RGS7: variants seen among roughly 807,000 people sequenced by gnomAD.
The protein encoded by RGS7 is regulator of G protein signaling 7.
Under a neutral mutation model 81.1 loss-of-function variants are expected in RGS7, and 27 were observed. The ratio of observed to expected loss-of-function variants is 0.33; its 90% CI spans 0.25 to 0.46. RGS7 has a LOEUF of 0.46. Among genes scored for constraint, RGS7 ranks in the 20% least tolerant of loss-of-function variants. The pLI is 1.00. For synonymous variants in RGS7, 208 were observed against 207.7 expected, an observed-to-expected ratio of 1.00 and a Z score of -0.01; for missense variants, 396 against 607.4, an observed-to-expected ratio of 0.65 and a Z score of 3.66.
intron 4 of RGS7, among the ~76,000 whole-genome samples, chr1:240,958,694 G>C (rs1325881106): frequency 6.6e-6 from 1 of 152,152 alleles, no homozygotes; most frequent in Non-Finnish European, 1.5e-5. Flanking sequence ...ACTTGGAGCA[G>C]GTGGCACTCT....
intron 3 of RGS7, among the ~76,000 whole-genome samples, chr1:241,089,672 G>A (rs1488830682): frequency 1.3e-5 from 2 of 152,026 alleles, no homozygotes; most frequent in Non-Finnish European, 2.9e-5. Flanking sequence ...ATATCCCTCT[G>A]AAAATGTGTA....
At chr1:240,829,747 T>G (rs1445084019) in intron 9 of RGS7, among the ~76,000 whole-genome samples, 1 of 152,084 alleles carries the variant, frequency 6.6e-6, no homozygotes, top group Non-Finnish European at 1.5e-5. Context: ...CAGTGAGCTG[T>G]GACTGAGCCA....
chr1:240,932,184 C>A (rs1183537987), intron 5 of RGS7, among the ~76,000 whole-genome samples: 4 of 152,132 alleles, frequency 2.6e-5, no homozygotes, highest in African/African-American at 9.7e-5. Flanking sequence ...GAGGCCCCCC[C>A]GACTACCATC....
chr1:240,839,124 C>T lies in RGS7; in HGVS notation c.610-11952G>A, dbSNP rs1695190898. Reference sequence around the variant, plus strand: ...GGCTAGATGATCCCAACTCCTAATGCCTTTTGAGCTTTTATGTGATTTTAT... The same window carrying T: ...GGCTAGATGATCCCAACTCCTAATGTCTTTTGAGCTTTTATGTGATTTTAT... On this transcript the variant is annotated intron_variant, in intron 9 of 18. Transcript: ENST00000440928. 3.3e-5 allele frequency among the ~76,000 whole-genome samples: 5 copies of T among 152,162 alleles called. No individual in the cohort carries two copies. In the South Asian group the frequency reaches 1.0e-3, roughly 31 times the overall value.
At chr1:240,900,726 G>A (rs532661478) in intron 6 of RGS7, among the ~76,000 whole-genome samples, 19 of 152,316 alleles carry the variant, frequency 1.2e-4, no homozygotes, top group African/African-American at 4.3e-4. Context: ...CTCCCAGTTA[G>A]GCTACTCGGG....
At chr1:240,946,559 A>T (rs145689847) in intron 4 of RGS7, among the ~76,000 whole-genome samples, 8 of 152,284 alleles carry the variant, frequency 5.3e-5, no homozygotes, top group South Asian at 4.1e-4. Context: ...ATTAGCCATG[A>T]TCATGCCACT....
intron 2 of RGS7, among the ~76,000 whole-genome samples, chr1:241,277,804 G>A (rs2148382978): frequency 6.6e-6 from 1 of 152,292 alleles, no homozygotes; most frequent in South Asian, 2.1e-4. Flanking sequence ...TTTAGTAGAG[G>A]TCTAGTAGCT....
chr1:240,776,356 C>T, intron 18 of RGS7, 143 bp from the exon 19 acceptor site: 1 of 696,954 alleles, frequency 1.4e-6, no homozygotes, highest in Admixed American at 2.0e-5. Flanking sequence ...TAGTTCAAAC[C>T]TCATGACCAA....
At chr1:241,119,889 A>T (rs559663282) in intron 2 of RGS7, among the ~76,000 whole-genome samples, 1 of 150,072 alleles carries the variant, frequency 6.7e-6, no homozygotes, top group African/African-American at 2.5e-5. Context: ...CTTGTCTTTC[A>T]GTTATTCTTT....
chr1:241,225,522 G>T (rs1189692759), intron 2 of RGS7, among the ~76,000 whole-genome samples: 1 of 152,148 alleles, frequency 6.6e-6, no homozygotes, highest in African/African-American at 2.4e-5. Flanking sequence ...TCAGCACTTG[G>T]TACATAGTGT....
rs138736631 is a variant in RGS7, at chr1:241,330,350, A to T, written c.78+25349T>A. Among the ~76,000 whole-genome samples the T allele has an allele frequency of 9.3e-4, 142 of 152,356 alleles. 1 individual carries two copies. Among genetic ancestry groups the T allele is most frequent in the African/African-American group, 3.3e-3 (136 of 41,588 alleles). Reference sequence around the variant, plus strand: ...AGGGTGAAAGGGAATATACCACATGATCTATCAGATTCAAAAAACAACATG... The same window carrying T: ...AGGGTGAAAGGGAATATACCACATGTTCTATCAGATTCAAAAAACAACATG... On this transcript the variant is annotated intron_variant, in intron 2 of 18. Transcript: ENST00000440928.
intron 3 of RGS7, among the ~76,000 whole-genome samples, chr1:241,068,675 G>A (rs374396885): frequency 1.3e-5 from 2 of 152,076 alleles, no homozygotes; most frequent in East Asian, 3.9e-4. Flanking sequence ...ACTTGGAAAT[G>A]GAAGACAGAG....
chr1:240,982,467 T>C (rs1381991799), intron 4 of RGS7, among the ~76,000 whole-genome samples: 1 of 148,002 alleles, frequency 6.8e-6, no homozygotes, highest in Non-Finnish European at 1.5e-5. Context: ...ATGCTTTGCA[T>C]ATGTAGGATC....
chr1:240,846,000 G>A (rs1659012238), intron 9 of RGS7, among the ~76,000 whole-genome samples: 1 of 152,166 alleles, frequency 6.6e-6, no homozygotes, highest in African/African-American at 2.4e-5. Context: ...AACTAAGTCA[G>A]TATGTATTTA....
intron 2 of RGS7, among the ~76,000 whole-genome samples, chr1:241,137,423 C>G (rs1462829055): frequency 6.6e-6 from 1 of 152,102 alleles, no homozygotes. Flanking sequence ...TATCTTTATT[C>G]ATTGTGTTCC....
At chr1:240,884,417 T>TA in intron 6 of RGS7, among the ~76,000 whole-genome samples, 1 of 152,354 alleles carries the variant, frequency 6.6e-6, no homozygotes, top group South Asian at 2.1e-4. Flanking sequence ...AAGGTAACTT[T>TA]ATAAAACATT....
At chr1:241,063,059 G>A (rs138315147) in intron 3 of RGS7, among the ~76,000 whole-genome samples, 167 of 152,202 alleles carry the variant, frequency 1.1e-3, no homozygotes, top group African/African-American at 3.8e-3. Flanking sequence ...TTCAACCCTG[G>A]ATAGTAATTC....
intron 9 of RGS7, among the ~76,000 whole-genome samples, chr1:240,865,216 T>C (rs1437666378): frequency 2.0e-5 from 3 of 152,240 alleles, no homozygotes; most frequent in African/African-American, 4.8e-5. Flanking sequence ...CTCATGTCTA[T>C]CTGATTCCAA....
At chr1:241,041,381 G>A (rs570164084) in intron 3 of RGS7, among the ~76,000 whole-genome samples, 1 of 151,894 alleles carries the variant, frequency 6.6e-6, no homozygotes, top group African/African-American at 2.4e-5. Context: ...TTATTTACTT[G>A]ATAAGCTGAG....
Sources: allele counts gnomAD v4.1 joint callset (sites outside exome capture counted in the v4.1 genomes callset), GRCh38; gene constraint gnomAD v4.1.1; transcripts MANE v1.5; gene names NCBI Gene and HGNC (gene_info 2026-07-23, HGNC 2026-07-21).